The following FARS2 variants were observed in gnomAD, a reference collection of about 807,000 sequenced individuals.
The protein encoded by FARS2 is phenylalanyl-tRNA synthetase 2, mitochondrial.
In FARS2, 40 loss-of-function variants were observed where a neutral mutation model predicts 46.4. That is an observed-to-expected ratio of 0.86 (90% CI 0.67 to 1.12). The LOEUF is 1.12. FARS2 is among the 50% of genes most tolerant of loss of function. The pLI is 0.00. For missense variants in FARS2, 513 were observed against 567.9 expected (o/e 0.90, Z 0.98); for synonymous variants, 234 against 214.9 (o/e 1.09, Z -0.78).
chr6:5,452,660 GGTGAAT>G (rs1764567518), intron 4 of FARS2: 1 of 152,150 alleles, frequency 6.6e-6, no homozygotes, highest in South Asian at 2.1e-4. Flanking sequence ...TGTTTGGATG[GGTGAAT>G]GCATTTTGGC....
intron 6 of FARS2, among the ~76,000 whole-genome samples, chr6:5,657,047 T>C (rs1777638082): frequency 6.6e-6 from 1 of 152,206 alleles, no homozygotes; most frequent in Admixed American, 6.5e-5. Flanking sequence ...TATTTTATAT[T>C]TTACATATCC....
rs1217706739 is a variant in FARS2 at position 5,409,324 on chromosome 6, G to A, written c.772+4623G>A. Among the ~76,000 whole-genome samples, 4 of 152,174 alleles carry A rather than the reference G, an allele frequency of 2.6e-5. No individual in the cohort carries two copies. In the South Asian group the frequency reaches 8.3e-4, roughly 32 times the overall value. ...AAATTAGCTGGGCGTGGTGGCACAC[G>A]CCTGTAGTCCCGGCTACTCAGGAGG... On this transcript the variant is annotated intron_variant, in intron 3 of 6. Coordinates refer to ENST00000274680, the MANE Select transcript of FARS2 (RefSeq NM_006567.5).
At chr6:5,281,923 T>C (rs1212874571) in intron 1 of FARS2, among the ~76,000 whole-genome samples, 2 of 152,178 alleles carry the variant, frequency 1.3e-5, no homozygotes, top group Admixed American at 1.3e-4. Context: ...AAAACAATAA[T>C]TCTAGAAAAT....
At chr6:5,558,196 C>T (rs1771777657) in intron 5 of FARS2, among the ~76,000 whole-genome samples, 2 of 152,256 alleles carry the variant, frequency 1.3e-5, no homozygotes, top group African/African-American at 4.8e-5. Flanking sequence ...AGAACAAACG[C>T]ATTTCTTCAC....
intron 6 of FARS2, among the ~76,000 whole-genome samples, chr6:5,725,796 C>T (rs1475601563): frequency 2.0e-5 from 3 of 152,126 alleles, no homozygotes; most frequent in South Asian, 2.1e-4. Flanking sequence ...ATTAGCTGGG[C>T]GTGGCGCGCA....
intron 1 of FARS2, among the ~76,000 whole-genome samples, chr6:5,367,463 G>T (rs1758758230): frequency 6.6e-6 from 1 of 151,998 alleles, no homozygotes. Context: ...TGGCTTCTGT[G>T]GCAGTGGGAA....
At chr6:5,362,256 G>C (rs1406192949) in intron 1 of FARS2, among the ~76,000 whole-genome samples, 1 of 152,052 alleles carries the variant, frequency 6.6e-6, no homozygotes, top group Admixed American at 6.5e-5. Flanking sequence ...ATTCCTTCAA[G>C]ATACTGTGCT....
upstream of FARS2, among the ~76,000 whole-genome samples, chr6:5,256,491 G>GAAAAAAAAAAAAA (rs1161084364): frequency 2.3e-5 from 1 of 43,860 alleles, no homozygotes; most frequent in Admixed American, 3.4e-4. Context: ...ATTTCAACTG[G>GAAAAAAAAAAAAA]AAAAAAAAAA....
chr6:5,261,518 C>T lies in FARS2; in HGVS notation c.-164C>T, dbSNP rs1190354690. On this transcript the variant is annotated 5_prime_UTR_variant, in exon 1 of 7. Coordinates refer to ENST00000274680, the MANE Select transcript of FARS2 (RefSeq NM_006567.5). ...TGCGTAGGGGCCTCTGGGGCAGGCC[C>T]GCTTTCTGTCAAAATGGCAGCGCCC... 1.3e-5 allele frequency: 2 copies of T among 152,098 alleles called. No homozygotes were observed. Among genetic ancestry groups the T allele is most frequent in the African/African-American group, 4.9e-5 (2 of 41,128 alleles). The allele number at this position is 152,098 out of a possible 1,614,324, so 9.4% of individuals were successfully genotyped here.
rs1352228519 is a variant in FARS2 at position 5,613,276 on chromosome 6, C to G, written c.1173C>G (p.Asp391Glu). The G allele has an allele frequency of 6.2e-7, 1 of 1,613,320 alleles. No homozygotes were observed. Among genetic ancestry groups the G allele is most frequent in the Admixed American group, 1.7e-5 (1 of 59,960 alleles). The change falls in exon 6 of 7, where the codon GAC becomes GAG. Residue 391 changes from aspartate to glutamate, a missense_variant. Coordinates refer to ENST00000274680, the MANE Select transcript of FARS2 (RefSeq NM_006567.5). Reference sequence around the variant, plus strand: ...ACTTAGTCCGAACAATTGGAGGAGACCTGGTGGAAAAGGTTGATCTCATAG... The same window carrying G: ...ACTTAGTCCGAACAATTGGAGGAGAGCTGGTGGAAAAGGTTGATCTCATAG... ...FYDLVRTIGG[D>E]LVEKVDLIDK...
intron 4 of FARS2, among the ~76,000 whole-genome samples, chr6:5,528,093 C>T (rs777340473): frequency 6.6e-6 from 1 of 152,118 alleles, no homozygotes; most frequent in Non-Finnish European, 1.5e-5. Context: ...TCTGCAATAC[C>T]CTATCCCAAT....
chr6:5,556,633 G>A (rs1326356227), intron 5 of FARS2, among the ~76,000 whole-genome samples: 1 of 151,182 alleles, frequency 6.6e-6, no homozygotes, highest in Non-Finnish European at 1.5e-5. Flanking sequence ...TTACATATTT[G>A]GATTATTGTA....
At chr6:5,375,065 G>C (rs895832812) in intron 2 of FARS2, among the ~76,000 whole-genome samples, 2 of 151,956 alleles carry the variant, frequency 1.3e-5, no homozygotes, top group African/African-American at 4.8e-5. Flanking sequence ...TCATTATGTG[G>C]TAAATTCTAG....
intron 6 of FARS2, among the ~76,000 whole-genome samples, chr6:5,770,629 C>T (rs1056864648): frequency 8.5e-5 from 13 of 152,172 alleles, no homozygotes; most frequent in African/African-American, 2.9e-4. Flanking sequence ...TGTCTTAGCA[C>T]CTGCCATGCA....
At chr6:5,305,624 A>G (rs911927304) in intron 1 of FARS2, among the ~76,000 whole-genome samples, 1 of 152,228 alleles carries the variant, frequency 6.6e-6, no homozygotes, top group Non-Finnish European at 1.5e-5. Context: ...AAGAGCAAAT[A>G]GCTTCCCCAC....
intron 6 of FARS2, among the ~76,000 whole-genome samples, chr6:5,626,014 C>G (rs2150707673): frequency 6.6e-6 from 1 of 152,248 alleles, no homozygotes; most frequent in South Asian, 2.1e-4. Context: ...TCATAGTGAT[C>G]TACATATTCA....
At chr6:5,409,179 G>A (rs11759187) in intron 3 of FARS2, among the ~76,000 whole-genome samples, 34,905 of 152,022 alleles carry the variant, frequency 0.23, 4,285 homozygotes, top group Middle Eastern at 0.29. Flanking sequence ...GGCCAGGCGC[G>A]GTGGCTCACA....
chr6:5,389,941 C>T (rs111659275), intron 2 of FARS2, among the ~76,000 whole-genome samples: 18 of 152,174 alleles, frequency 1.2e-4, no homozygotes, highest in Admixed American at 2.6e-4. Flanking sequence ...CTCAGCTCAC[C>T]GCAACCTCTG....
intron 5 of FARS2, 109 bp downstream of exon 5, chr6:5,545,449 A>C: frequency 1.2e-6 from 1 of 844,756 alleles, no homozygotes. Context: ...ATTTTATTTT[A>C]TTTTCATTTT....
Sources: allele counts gnomAD v4.1 joint callset (sites outside exome capture counted in the v4.1 genomes callset), GRCh38; gene constraint gnomAD v4.1.1; transcripts MANE v1.5; gene names NCBI Gene and HGNC (gene_info 2026-07-23, HGNC 2026-07-21).